Variants in PTPRD observed in about 807,000 individuals in gnomAD.
PTPRD encodes the protein protein tyrosine phosphatase receptor type D.
In PTPRD, 34 loss-of-function variants were observed where a neutral mutation model predicts 214.5. The observed-to-expected ratio is 0.16, with a 90% CI of 0.12 to 0.21. PTPRD has a LOEUF of 0.21. PTPRD is among the 10% of genes least tolerant of loss of function. PTPRD has a pLI of 1.00. For synonymous variants in PTPRD, 1,128 were observed against 845.7 expected (o/e 1.33, Z -5.79); for missense variants, 2,545 against 2,398.7 (o/e 1.06, Z -1.27).
rs1165977192 is a variant in PTPRD, at chr9:8,331,857, G to A, written c.5380-121C>T. 2.2e-5 allele frequency: 26 copies of A among 1,209,078 alleles called. No homozygotes were observed. In the South Asian group the frequency reaches 3.5e-4, roughly 16 times the overall value. 74.9% of individuals were successfully genotyped at this position (1,209,078 alleles called of 1,614,324 possible). A position where few individuals can be genotyped will look rare whatever the true frequency, so the allele number is the denominator to read the frequency against. ...AAAACAAAAAGGGTAGAAAAAGTTA[G>A]GAACATGTTTAAATAGAAACTTAGT... On this transcript the variant is annotated intron_variant, in intron 43 of 45. Transcript: ENST00000381196.
At chr9:9,284,123 G>A (rs115070294) in intron 9 of PTPRD, among the ~76,000 whole-genome samples, 1 of 151,548 alleles carries the variant, frequency 6.6e-6, no homozygotes, top group Non-Finnish European at 1.5e-5. Flanking sequence ...ATTAGTCAGA[G>A]GAACTACATA....
At chr9:9,462,262 T>A (rs1330518722) in intron 8 of PTPRD, among the ~76,000 whole-genome samples, 47 of 152,092 alleles carry the variant, frequency 3.1e-4, no homozygotes, top group Non-Finnish European at 1.5e-5. Flanking sequence ...AGTTTAGAAC[T>A]AGAGGGCTAG....
At chr9:8,411,770 T>C (rs1037672341) in intron 35 of PTPRD, among the ~76,000 whole-genome samples, 6 of 152,318 alleles carry the variant, frequency 3.9e-5, no homozygotes, top group African/African-American at 9.6e-5. Flanking sequence ...TCAGATAAGG[T>C]GAATAATAAG....
chr9:10,448,709 C>G (rs563458609), intron 2 of PTPRD, among the ~76,000 whole-genome samples: 2 of 151,964 alleles, frequency 1.3e-5, no homozygotes, highest in African/African-American at 4.8e-5. Context: ...TTAACTTGGC[C>G]AAGGAGCCAG....
Position 10,534,084 on chromosome 9 carries a change from A to G in PTPRD, c.-600+78314T>C, listed in dbSNP as rs2057146092. Among the ~76,000 whole-genome samples, 3 of 151,796 alleles carry G rather than the reference A, an allele frequency of 2.0e-5. No homozygotes were observed. In the South Asian group the frequency reaches 6.2e-4, roughly 31 times the overall value. ...CACTGAAAGTTTTAAATTTTTAAGA[A>G]GAGTTCTAAAAAATATTTCATTAAG... On this transcript the variant is annotated intron_variant, in intron 2 of 45. Coordinates refer to ENST00000381196, the MANE Select transcript of PTPRD (RefSeq NM_002839.4).
chr9:9,027,836 T>A (rs1026179759), intron 10 of PTPRD, among the ~76,000 whole-genome samples: 1 of 152,014 alleles, frequency 6.6e-6, no homozygotes, highest in African/African-American at 2.4e-5. Flanking sequence ...TTTATGTTAT[T>A]GAATCATGCC....
chr9:8,432,703 C>T (rs1298637613), intron 35 of PTPRD, among the ~76,000 whole-genome samples: 1 of 152,198 alleles, frequency 6.6e-6, no homozygotes, highest in Non-Finnish European at 1.5e-5. Flanking sequence ...CAAAATGTTG[C>T]TCTGAGCCTA....
chr9:9,930,347 C>T (rs758552194), intron 5 of PTPRD, among the ~76,000 whole-genome samples: 1 of 152,056 alleles, frequency 6.6e-6, no homozygotes, highest in Non-Finnish European at 1.5e-5. Flanking sequence ...CAAGAATGGA[C>T]CTGGAAACCA....
chr9:9,331,210 T>G (rs2042184897), intron 9 of PTPRD, among the ~76,000 whole-genome samples: 1 of 152,108 alleles, frequency 6.6e-6, no homozygotes, highest in African/African-American at 2.4e-5. Flanking sequence ...TCACTTAGTT[T>G]CCCCTCTTTT....
At chr9:9,628,991 G>C (rs2095505447) in intron 7 of PTPRD, among the ~76,000 whole-genome samples, 1 of 151,640 alleles carries the variant, frequency 6.6e-6, no homozygotes, top group African/African-American at 2.4e-5. Context: ...GACCAACATG[G>C]TGAAACCCCA....
intron 8 of PTPRD, among the ~76,000 whole-genome samples, chr9:9,416,747 A>G (rs937864827): frequency 6.6e-6 from 1 of 152,174 alleles, no homozygotes; most frequent in Non-Finnish European, 1.5e-5. Flanking sequence ...TTTGATAGGC[A>G]GGAATACTCA....
At chr9:10,420,946 G>A (rs1276375128) in intron 2 of PTPRD, among the ~76,000 whole-genome samples, 1 of 151,674 alleles carries the variant, frequency 6.6e-6, no homozygotes, top group African/African-American at 2.4e-5. Flanking sequence ...CACTGAGGAG[G>A]CCAATGTGCA....
chr9:9,704,121 A>G (rs1043952664), intron 7 of PTPRD, among the ~76,000 whole-genome samples: 1 of 152,146 alleles, frequency 6.6e-6, no homozygotes, highest in Non-Finnish European at 1.5e-5. Context: ...TTTAAAATTT[A>G]TATGTTAATT....
At chr9:8,921,194 T>G (rs1421102442) in intron 11 of PTPRD, among the ~76,000 whole-genome samples, 1 of 152,214 alleles carries the variant, frequency 6.6e-6, no homozygotes, top group Non-Finnish European at 1.5e-5. Context: ...ATTGACACAT[T>G]AGAAGATAGT....
At chr9:9,017,579 C>G (rs116226948) in intron 11 of PTPRD, among the ~76,000 whole-genome samples, 1,725 of 152,254 alleles carry the variant, frequency 0.011, 29 homozygotes, top group African/African-American at 0.039. Context: ...TTTTTAGAAT[C>G]AAGTGATTTC....
At chr9:9,628,051 A>G (rs2095476935) in intron 7 of PTPRD, among the ~76,000 whole-genome samples, 1 of 152,190 alleles carries the variant, frequency 6.6e-6, no homozygotes. Context: ...TGCATTTAAC[A>G]TGGGATTTCC....
chr9:10,564,788 A>C (rs2065118488), intron 2 of PTPRD, among the ~76,000 whole-genome samples: 1 of 152,146 alleles, frequency 6.6e-6, no homozygotes, highest in South Asian at 2.1e-4. Flanking sequence ...AAACACCTAG[A>C]ATAGTTTTCC....
At position 10,578,452 on chromosome 9, in the gene PTPRD, A is replaced by G. The variant is rs191610639; in HGVS notation, c.-600+33946T>C. Among the ~76,000 whole-genome samples, 37 of 152,296 alleles carry G rather than the reference A, an allele frequency of 2.4e-4. No homozygotes were observed. In the East Asian group the frequency reaches 7.1e-3, roughly 29 times the overall value. On this transcript the variant is annotated intron_variant, in intron 2 of 45. Coordinates refer to ENST00000381196, the MANE Select transcript of PTPRD (RefSeq NM_002839.4). ...AATTTTTCATTCATGTTATACAAAAATGCAGATTACCAAAATATAAATTAT... is the reference window on the plus strand; with the variant it reads ...AATTTTTCATTCATGTTATACAAAAGTGCAGATTACCAAAATATAAATTAT...
intron 9 of PTPRD, among the ~76,000 whole-genome samples, chr9:9,390,436 G>T (rs1413430537): frequency 6.6e-6 from 1 of 152,128 alleles, no homozygotes; most frequent in Non-Finnish European, 1.5e-5. Flanking sequence ...CACTCTATCA[G>T]TCAATGGTAG....
Sources: gnomAD v4.1 joint callset for allele counts (sites outside exome capture counted in the v4.1 genomes callset) on GRCh38, gnomAD v4.1.1 for gene constraint, MANE v1.5 for transcripts, NCBI Gene and HGNC (gene_info 2026-07-23, HGNC 2026-07-21) for gene names.